The following NTRK2 variants were observed in gnomAD, a reference collection of about 807,000 sequenced individuals.
NTRK2 encodes the protein BDNF/NT-3 growth factors receptor.
In NTRK2, 13 loss-of-function variants were observed where a neutral mutation model predicts 94.5. The ratio of observed to expected loss-of-function variants is 0.14; its 90% CI spans 0.09 to 0.22. The LOEUF (loss-of-function observed/expected upper bound fraction) is 0.22. NTRK2 is among the 10% of genes least tolerant of loss of function. NTRK2 has a pLI of 1.00. For synonymous variants in NTRK2, 372 were observed against 407.4 expected, an observed-to-expected ratio of 0.91 and a Z score of 1.05; for missense variants, 639 against 1,071.2, an observed-to-expected ratio of 0.60 and a Z score of 5.63.
rs543853166 is a variant in NTRK2, at chr9:84,742,014, G to A, written c.1195+87G>A. ...ATCAACTGAAAGAAGACTCTTCTAA[G>A]CTCAGTTAAATTTACACTTTAAGCA... On this transcript the variant is annotated intron_variant, in intron 10 of 18. Coordinates refer to ENST00000277120, the MANE Select transcript of NTRK2 (RefSeq NM_006180.6). 5.5e-4 allele frequency: 671 copies of A among 1,213,504 alleles called. 3 individuals carry two copies. In the Middle Eastern group the frequency reaches 6.2e-3, roughly 11 times the overall value. 75.2% of individuals were successfully genotyped at this position (1,213,504 alleles called of 1,614,324 possible). A position where few individuals can be genotyped will look rare whatever the true frequency, so the allele number is the denominator to read the frequency against.
intron 14 of NTRK2, among the ~76,000 whole-genome samples, chr9:84,881,929 G>A (rs1185787524): frequency 2.8e-4 from 43 of 152,186 alleles, no homozygotes. Context: ...TAATGCTGAA[G>A]TTTTAATGGA....
intron 16 of NTRK2, among the ~76,000 whole-genome samples, chr9:84,950,227 T>A: frequency 6.6e-6 from 1 of 152,142 alleles, no homozygotes; most frequent in East Asian, 1.9e-4. Context: ...GCTGCCTCGG[T>A]AAGAGAAATC....
intron 14 of NTRK2, among the ~76,000 whole-genome samples, chr9:84,915,362 C>A (rs1175794572): frequency 1.3e-5 from 2 of 152,186 alleles, no homozygotes; most frequent in African/African-American, 4.8e-5. Flanking sequence ...ATGCGGCCCT[C>A]ATGAATGGCT....
chr9:84,840,265 CTTTTTTT>C (rs1158579395), intron 12 of NTRK2, among the ~76,000 whole-genome samples: 5 of 101,858 alleles, frequency 4.9e-5, no homozygotes, highest in Admixed American at 3.0e-4. Context: ...ATTGACAATT[CTTTTTTT>C]TTTTTTTTTT....
At chr9:84,798,940 A>ATATATATATATATATATG (rs1564302712) in intron 12 of NTRK2, among the ~76,000 whole-genome samples, 12 of 117,798 alleles carry the variant, frequency 1.0e-4, no homozygotes, top group African/African-American at 3.4e-4. Flanking sequence ...ATATATATAT[A>ATATATATATATATATATG]TGCTTATTTA....
At chr9:84,685,664 T>G (rs191073775) in intron 2 of NTRK2, among the ~76,000 whole-genome samples, 1 of 152,280 alleles carries the variant, frequency 6.6e-6, no homozygotes, top group East Asian at 1.9e-4. Flanking sequence ...AGTTTTCAAT[T>G]TATCTACTGA....
chr9:84,771,549 A>G (rs747039690), intron 12 of NTRK2, among the ~76,000 whole-genome samples: 2 of 152,188 alleles, frequency 1.3e-5, no homozygotes, highest in African/African-American at 4.8e-5. Flanking sequence ...GCAAAAATAC[A>G]CAAAAGCCAT....
At chr9:84,912,678 G>A (rs2077273871) in intron 14 of NTRK2, among the ~76,000 whole-genome samples, 1 of 144,950 alleles carries the variant, frequency 6.9e-6, no homozygotes, top group African/African-American at 2.6e-5. Context: ...GAGTGCAGTG[G>A]CGCGATCTTG....
In NTRK2 at chr9:84,802,498, A is replaced by C. The variant is rs1251004473; in HGVS notation, c.1396+50413A>C. On this transcript the variant is annotated intron_variant, in intron 12 of 18. Coordinates refer to ENST00000277120, the MANE Select transcript of NTRK2 (RefSeq NM_006180.6). ...GGCACACGCCCCGCTGCTGTAAGACATTGTTGAGCATTAGGAAAGACAGTG... is the reference window on the plus strand; with the variant it reads ...GGCACACGCCCCGCTGCTGTAAGACCTTGTTGAGCATTAGGAAAGACAGTG... Among the ~76,000 whole-genome samples, 4 of 152,196 alleles carry C rather than the reference A, an allele frequency of 2.6e-5. No homozygotes were observed. The East Asian group carries it at 7.7e-4, about 29-fold the overall frequency.
chr9:84,789,405 G>A (rs1345785034), intron 12 of NTRK2, among the ~76,000 whole-genome samples: 1 of 152,206 alleles, frequency 6.6e-6, no homozygotes, highest in East Asian at 1.9e-4. Context: ...GCCTTCAAGA[G>A]TTGGAAGGCA....
intron 15 of NTRK2, among the ~76,000 whole-genome samples, chr9:84,940,365 C>T (rs1476616676): frequency 1.4e-4 from 21 of 152,128 alleles, no homozygotes; most frequent in Admixed American, 7.9e-4. Context: ...TTTATCATCT[C>T]GGCAGGAGAC....
In NTRK2 at chr9:84,875,887, T is replaced by G. The variant is rs1413636750; in HGVS notation, c.1633+8456T>G. On this transcript the variant is annotated intron_variant, in intron 14 of 18. Transcript: ENST00000277120. Reference sequence around the variant, plus strand: ...GTGTTGATATTTTGCACAGTAATATTAAGTTTAAGAGATTATAAAAATGAG... The same window carrying G: ...GTGTTGATATTTTGCACAGTAATATGAAGTTTAAGAGATTATAAAAATGAG... 4 of 1,038,992 alleles carry G rather than the reference T, an allele frequency of 3.8e-6. No individual in the cohort carries two copies. The East Asian group carries it at 2.3e-4, about 59-fold the overall frequency. 64.4% of individuals were successfully genotyped at this position (1,038,992 alleles called of 1,614,324 possible). A position where few individuals can be genotyped will look rare whatever the true frequency, so the allele number is the denominator to read the frequency against.
At chr9:84,744,887 A>C (rs938944760) in intron 10 of NTRK2, 86 bp from the exon 11 acceptor site, 1 of 935,436 alleles carries the variant, frequency 1.1e-6, no homozygotes, top group African/African-American at 1.6e-5. Context: ...GTCTTGCTTC[A>C]TTCTGGCTCT....
chr9:84,743,454 T>G (rs2063815547), intron 10 of NTRK2, among the ~76,000 whole-genome samples: 1 of 152,246 alleles, frequency 6.6e-6, no homozygotes, highest in South Asian at 2.1e-4. Flanking sequence ...ATATTGTCTT[T>G]ACCTGCTTGT....
chr9:84,682,298 A>G (rs890555030), intron 2 of NTRK2, among the ~76,000 whole-genome samples: 41 of 152,346 alleles, frequency 2.7e-4, no homozygotes, highest in African/African-American at 8.4e-4. Context: ...TCTGAAATGC[A>G]TTAACTTTAT....
chr9:84,798,192 C>T (rs939516368), intron 12 of NTRK2, among the ~76,000 whole-genome samples: 8 of 151,820 alleles, frequency 5.3e-5, no homozygotes, highest in Non-Finnish European at 1.2e-4. Flanking sequence ...GTGGAAGGAG[C>T]GCATGAGCTC....
chr9:84,861,999 G>A (rs1291374702), intron 13 of NTRK2, among the ~76,000 whole-genome samples: 1 of 152,166 alleles, frequency 6.6e-6, no homozygotes, highest in African/African-American at 2.4e-5. Flanking sequence ...GTCAGACCTT[G>A]TCTTGTTGGG....
chr9:84,871,599 A>T (rs1031762850), intron 14 of NTRK2, among the ~76,000 whole-genome samples: 2 of 152,248 alleles, frequency 1.3e-5, no homozygotes, highest in Admixed American at 6.5e-5. Context: ...TCTTAAAATG[A>T]TGCATAAAAT....
chr9:84,791,490 C>T (rs1588627360), intron 12 of NTRK2, among the ~76,000 whole-genome samples: 1 of 152,222 alleles, frequency 6.6e-6, no homozygotes, highest in Admixed American at 6.5e-5. Context: ...TTAAAAAGTT[C>T]ATCTGCATAG....
Sources: allele counts gnomAD v4.1 joint callset (sites outside exome capture counted in the v4.1 genomes callset), GRCh38; gene constraint gnomAD v4.1.1; transcripts MANE v1.5; gene names NCBI Gene and HGNC (gene_info 2026-07-23, HGNC 2026-07-21).